MIPOL1: variants seen among roughly 807,000 people sequenced by gnomAD.
The protein encoded by MIPOL1 is mirror-image polydactyly gene 1 protein.
A neutral mutation model predicts 60.9 loss-of-function variants in MIPOL1; 57 were observed. The observed-to-expected ratio is 0.94, with a 90% CI of 0.76 to 1.17. The LOEUF (loss-of-function observed/expected upper bound fraction) is 1.17, where lower values mean the gene tolerates loss of function less well. Ranked by LOEUF, MIPOL1 falls within the 50% of genes most tolerant of loss-of-function variation. The pLI, the probability that MIPOL1 is intolerant of heterozygous loss-of-function variation, is 0.00. For synonymous variants in MIPOL1, 179 were observed against 168.8 expected (o/e 1.06, Z -0.47); for missense variants, 551 against 511.6 (o/e 1.08, Z -0.74).
intron 1 of MIPOL1, among the ~76,000 whole-genome samples, chr14:37,200,566 CAA>C (rs1965073125): frequency 6.6e-6 from 1 of 151,562 alleles, no homozygotes; most frequent in Non-Finnish European, 1.5e-5. Flanking sequence ...TGATTAAACT[CAA>C]GTTTAGTTTT....
At chr14:37,201,821 G>A (rs570906208) in intron 1 of MIPOL1, among the ~76,000 whole-genome samples, 1 of 152,174 alleles carries the variant, frequency 6.6e-6, no homozygotes, top group South Asian at 2.1e-4. Context: ...ACACTTTCTA[G>A]GTATTTGTTG....
intron 12 of MIPOL1, among the ~76,000 whole-genome samples, chr14:37,530,907 T>C (rs1022206499): frequency 6.6e-6 from 1 of 151,510 alleles, no homozygotes; most frequent in African/African-American, 2.4e-5. Flanking sequence ...AACCTCCGCC[T>C]CCCGAGTTCA....
At chr14:37,382,205 G>C (rs1484756219) in intron 10 of MIPOL1, among the ~76,000 whole-genome samples, 1 of 151,952 alleles carries the variant, frequency 6.6e-6, no homozygotes, top group Non-Finnish European at 1.5e-5. Flanking sequence ...AAAGTGATTT[G>C]GAATAAGTGA....
chr14:37,269,194 A>G (rs2083100898), intron 5 of MIPOL1, among the ~76,000 whole-genome samples: 1 of 152,092 alleles, frequency 6.6e-6, no homozygotes, highest in Non-Finnish European at 1.5e-5. Flanking sequence ...CCTCAATAAT[A>G]CATGTAATTA....
At chr14:37,326,533 C>G (rs537189003) in intron 9 of MIPOL1, among the ~76,000 whole-genome samples, 4 of 152,316 alleles carry the variant, frequency 2.6e-5, no homozygotes, top group Non-Finnish European at 5.9e-5. Flanking sequence ...TGTAGTCACC[C>G]TTCCATTATT....
chr14:37,456,791 T>A (rs934707747), intron 11 of MIPOL1, among the ~76,000 whole-genome samples: 1 of 152,120 alleles, frequency 6.6e-6, no homozygotes. Flanking sequence ...TGTTTACATT[T>A]CAGACCTTTT....
At chr14:37,381,759 T>TA (rs1186116959) in intron 10 of MIPOL1, among the ~76,000 whole-genome samples, 1 of 151,642 alleles carries the variant, frequency 6.6e-6, no homozygotes, top group Non-Finnish European at 1.5e-5. Context: ...ATTTTTTTTT[T>TA]TTTTATTTTT....
At chr14:37,379,580 T>C (rs1165113999) in intron 10 of MIPOL1, among the ~76,000 whole-genome samples, 1 of 152,136 alleles carries the variant, frequency 6.6e-6, no homozygotes, top group Non-Finnish European at 1.5e-5. Flanking sequence ...AAGGAACTTA[T>C]ATCTAGAGTA....
At chr14:37,333,421 C>A (rs929085454) in intron 9 of MIPOL1, among the ~76,000 whole-genome samples, 10 of 151,876 alleles carry the variant, frequency 6.6e-5, no homozygotes, top group Admixed American at 5.9e-4. Flanking sequence ...TGTTCAAGGA[C>A]CAACTGTACT....
intron 7 of MIPOL1, among the ~76,000 whole-genome samples, chr14:37,303,331 A>G (rs1276905345): frequency 3.3e-5 from 5 of 151,804 alleles, no homozygotes; most frequent in African/African-American, 4.8e-5. Flanking sequence ...GAAACTTATT[A>G]ATTCATTCTT....
chr14:37,383,717 T>G (rs2092989780), intron 10 of MIPOL1, among the ~76,000 whole-genome samples: 1 of 152,002 alleles, frequency 6.6e-6, no homozygotes, highest in Admixed American at 6.6e-5. Flanking sequence ...TATATTAATA[T>G]CATTTGTTTT....
chr14:37,260,574 CAG>C (rs763478017), intron 3 of MIPOL1, among the ~76,000 whole-genome samples: 4 of 152,172 alleles, frequency 2.6e-5, no homozygotes, highest in South Asian at 4.1e-4. Flanking sequence ...ACACATGAAA[CAG>C]AAAGATTATC....
At chr14:37,341,010 A>C (rs2090530114) in intron 9 of MIPOL1, among the ~76,000 whole-genome samples, 1 of 152,220 alleles carries the variant, frequency 6.6e-6, no homozygotes, top group Non-Finnish European at 1.5e-5. Context: ...TCAGTACACT[A>C]ACATGCTGTC....
intron 1 of MIPOL1, among the ~76,000 whole-genome samples, chr14:37,237,081 C>T (rs549143523): frequency 6.6e-6 from 1 of 152,090 alleles, no homozygotes; most frequent in Admixed American, 6.6e-5. Context: ...CTCTTTCAGG[C>T]CATAGATGGT....
intron 1 of MIPOL1, among the ~76,000 whole-genome samples, chr14:37,203,357 A>C (rs771250409): frequency 1.3e-5 from 2 of 152,192 alleles, no homozygotes; most frequent in Non-Finnish European, 2.9e-5. Context: ...AATCTTTTTC[A>C]AAAGACTGCC....
At chr14:37,237,553 A>G (rs572492278) in intron 1 of MIPOL1, among the ~76,000 whole-genome samples, 1 of 152,292 alleles carries the variant, frequency 6.6e-6, no homozygotes, top group African/African-American at 2.4e-5. Flanking sequence ...TAACAAGAGC[A>G]TACATTTTTC....
chr14:37,289,543 A>G (rs1482131907), intron 7 of MIPOL1, among the ~76,000 whole-genome samples: 2 of 152,198 alleles, frequency 1.3e-5, no homozygotes, highest in African/African-American at 4.8e-5. Flanking sequence ...GTTTATTAAA[A>G]AGGATATGAC....
chr14:37,463,832 G>A (rs1178157686), intron 11 of MIPOL1, among the ~76,000 whole-genome samples: 1 of 152,150 alleles, frequency 6.6e-6, no homozygotes, highest in Non-Finnish European at 1.5e-5. Context: ...ACCTACAGAA[G>A]AGAGGAGATA....
At chr14:37,409,206 C>G (rs1343984703) in intron 10 of MIPOL1, among the ~76,000 whole-genome samples, 4 of 152,072 alleles carry the variant, frequency 2.6e-5, no homozygotes, top group Non-Finnish European at 5.9e-5. Context: ...AAAGATCAAT[C>G]AAGCACATCA....
Sources: allele counts gnomAD v4.1 joint callset (sites outside exome capture counted in the v4.1 genomes callset), GRCh38; gene constraint gnomAD v4.1.1; transcripts MANE v1.5; gene names NCBI Gene and HGNC (gene_info 2026-07-23, HGNC 2026-07-21).